Variants in MEI4 observed in about 807,000 individuals in gnomAD.
The protein encoded by MEI4 is meiotic double-stranded break formation protein 4.
Under a neutral mutation model 31.4 loss-of-function variants are expected in MEI4, and 27 were observed. That is an observed-to-expected ratio of 0.86 (90% confidence interval 0.63 to 1.19). MEI4 has a LOEUF of 1.19. Ranked by LOEUF, MEI4 falls within the 50% of genes most tolerant of loss-of-function variation. The pLI is 0.00. For synonymous variants in MEI4, 122 were observed against 145.4 expected, an observed-to-expected ratio of 0.84 and a Z score of 1.16; for missense variants, 329 against 398.9, an observed-to-expected ratio of 0.82 and a Z score of 1.49.
intron 2 of MEI4, among the ~76,000 whole-genome samples, chr6:77,693,897 G>A (rs1365558538): frequency 2.6e-5 from 4 of 152,010 alleles, no homozygotes; most frequent in South Asian, 2.1e-4. Context: ...TGCAACTGTC[G>A]TTGAGTGTGT....
At chr6:77,726,309 G>C in intron 2 of MEI4, among the ~76,000 whole-genome samples, 1 of 151,422 alleles carries the variant, frequency 6.6e-6, no homozygotes, top group Non-Finnish European at 1.5e-5. Context: ...AGTCTCCTAT[G>C]TCTACTTCTT....
intron 4 of MEI4, among the ~76,000 whole-genome samples, chr6:77,840,419 AT>A (rs1770330681): frequency 6.6e-6 from 1 of 152,152 alleles, no homozygotes; most frequent in African/African-American, 2.4e-5. Context: ...AGGGAAAGAA[AT>A]TTGTGACAAA....
chr6:77,833,251 GCTT>G (rs1407436331), intron 4 of MEI4, among the ~76,000 whole-genome samples: 1 of 151,824 alleles, frequency 6.6e-6, no homozygotes, highest in Non-Finnish European at 1.5e-5. Flanking sequence ...TGAAAAAGTG[GCTT>G]CTTTATGTTA....
At position 77,820,364 on chromosome 6, in the gene MEI4, C is replaced by A. The variant is rs1466990338; in HGVS notation, c.769-8567C>A. Among the ~76,000 whole-genome samples the A allele has an allele frequency of 6.6e-6, 1 of 152,088 alleles. No homozygotes were observed. Among genetic ancestry groups the A allele is most frequent in the Non-Finnish European group, 1.5e-5 (1 of 68,028 alleles). On this transcript the variant is annotated intron_variant, in intron 3 of 4. Transcript: ENST00000684080. This position sits in a 1 kb window ranked among gnomAD's most constrained non-coding sequence, Gnocchi z 4.5. ...GCAGCTTCCACCGCTCGGGTTCAAG[C>A]AGTTCTCCTGCCTCAGCCTCCTGAG...
chr6:77,719,444 A>C lies in MEI4; in HGVS notation c.232+28541A>C, dbSNP rs191716737. Among the ~76,000 whole-genome samples, 535 of 84,640 alleles carry C rather than the reference A, an allele frequency of 6.3e-3. 28 individuals carry two copies. Among genetic ancestry groups the C allele is most frequent in the African/African-American group, 0.027 (512 of 18,978 alleles). The allele number at this position is 84,640 out of a possible 152,430, so 55.5% of individuals were successfully genotyped here. On this transcript the variant is annotated intron_variant, in intron 2 of 4. Coordinates refer to ENST00000684080, the MANE Select transcript of MEI4 (RefSeq NM_001322247.2). ...CAACCAATTTTGGACTGCAGGCATT[A>C]AACATCCTGGTGCTCTCCCTAGGCA... is the stretch of plus-strand genomic sequence containing the variant.
At chr6:77,747,487 A>G (rs1419196558) in intron 2 of MEI4, among the ~76,000 whole-genome samples, 2 of 152,128 alleles carry the variant, frequency 1.3e-5, no homozygotes, top group African/African-American at 2.4e-5. Flanking sequence ...AGAGAGAGCA[A>G]AGGGGGAAGA....
chr6:77,918,610 A>G (rs1206807269), intron 4 of MEI4, among the ~76,000 whole-genome samples: 14 of 147,420 alleles, frequency 9.5e-5, no homozygotes, highest in South Asian at 4.4e-4. Context: ...ACTTTTGTAC[A>G]TTGATTTTGT....
intron 4 of MEI4, among the ~76,000 whole-genome samples, chr6:77,863,587 A>T (rs1770931000): frequency 6.6e-6 from 1 of 152,224 alleles, no homozygotes; most frequent in African/African-American, 2.4e-5. Flanking sequence ...CTATGTGAAA[A>T]GACCAAATCT....
chr6:77,677,542 C>G (rs1347619218), intron 1 of MEI4, among the ~76,000 whole-genome samples: 1 of 152,152 alleles, frequency 6.6e-6, no homozygotes, highest in Non-Finnish European at 1.5e-5. Context: ...CTTTTCTGTC[C>G]TGACACTTTT....
intron 4 of MEI4, among the ~76,000 whole-genome samples, chr6:77,833,409 T>C (rs1770131018): frequency 6.6e-6 from 1 of 152,180 alleles, no homozygotes; most frequent in South Asian, 2.1e-4. Flanking sequence ...ATTAATAGCT[T>C]ATATGTTTCT....
chr6:77,825,956 T>A (rs1162665025), intron 3 of MEI4, among the ~76,000 whole-genome samples: 1 of 152,160 alleles, frequency 6.6e-6, no homozygotes, highest in Non-Finnish European at 1.5e-5. Flanking sequence ...ATCCTGAAAC[T>A]CATGTGGGAG....
At chr6:77,666,585 G>A (rs1439860138) in intron 1 of MEI4, among the ~76,000 whole-genome samples, 1 of 152,130 alleles carries the variant, frequency 6.6e-6, no homozygotes, top group Non-Finnish European at 1.5e-5. Context: ...TTTTACAGAT[G>A]AGTAAACTGA....
chr6:77,745,517 A>T (rs2127674947), intron 2 of MEI4, among the ~76,000 whole-genome samples: 1 of 152,324 alleles, frequency 6.6e-6, no homozygotes, highest in South Asian at 2.1e-4. Context: ...ACACATTAAT[A>T]ATGGGAGACT....
At chr6:77,788,202 G>A (rs970885698) in intron 3 of MEI4, among the ~76,000 whole-genome samples, 3 of 152,242 alleles carry the variant, frequency 2.0e-5, no homozygotes, top group South Asian at 2.1e-4. Context: ...AAATTCAACA[G>A]CACTTCATGC....
chr6:77,799,555 T>C (rs183871210), intron 3 of MEI4, among the ~76,000 whole-genome samples: 11 of 152,326 alleles, frequency 7.2e-5, no homozygotes, highest in African/African-American at 2.6e-4. Context: ...GTTTTAGACA[T>C]GAAGTCATTG....
intron 2 of MEI4, among the ~76,000 whole-genome samples, chr6:77,692,451 C>G (rs1451248471): frequency 6.6e-6 from 1 of 151,948 alleles, no homozygotes; most frequent in Non-Finnish European, 1.5e-5. Context: ...AATACCTGTT[C>G]AATGAAAGAG....
intron 3 of MEI4, among the ~76,000 whole-genome samples, chr6:77,816,043 C>T (rs1403886072): frequency 6.6e-6 from 1 of 151,996 alleles, no homozygotes; most frequent in East Asian, 1.9e-4. Flanking sequence ...CTCATGCATC[C>T]ATGAAAAGGT....
intron 3 of MEI4, among the ~76,000 whole-genome samples, chr6:77,802,284 G>T (rs1229620929): frequency 6.6e-6 from 1 of 152,100 alleles, no homozygotes; most frequent in Non-Finnish European, 1.5e-5. Context: ...CAGAGACTAG[G>T]ATTGCAACCC....
intron 3 of MEI4, among the ~76,000 whole-genome samples, chr6:77,800,608 G>T (rs894150218): frequency 6.6e-6 from 1 of 152,196 alleles, no homozygotes; most frequent in Non-Finnish European, 1.5e-5. Flanking sequence ...TGCCCATTCA[G>T]TATGATATTG....
Sources: allele counts gnomAD v4.1 joint callset (sites outside exome capture counted in the v4.1 genomes callset), GRCh38; gene constraint gnomAD v4.1.1; non-coding constraint Gnocchi (gnomAD v3.1); transcripts MANE v1.5; gene names NCBI Gene and HGNC (gene_info 2026-07-23, HGNC 2026-07-21).